YEATS2: variants seen among roughly 807,000 people sequenced by gnomAD.
The protein encoded by YEATS2 is YEATS domain containing 2.
A neutral mutation model predicts 163.2 loss-of-function variants in YEATS2; 77 were observed. That is an observed-to-expected ratio of 0.47 (90% CI 0.39 to 0.57). The LOEUF is 0.57. Among genes scored for constraint, YEATS2 ranks in the 20% least tolerant of loss-of-function variants. The probability of loss-of-function intolerance (pLI) is 0.00; values close to 1 mark genes in which losing one functional copy is unlikely to be tolerated. For synonymous variants in YEATS2, 631 were observed against 645.1 expected (o/e 0.98, Z 0.33); for missense variants, 1,549 against 1,729.8 (o/e 0.90, Z 1.85).
chr3:183,777,604 A>G lies in YEATS2; in HGVS notation c.2640A>G (p.Ser880=). 6.2e-7 allele frequency: 1 copy of G among 1,614,218 alleles called. No homozygotes were observed. The highest frequency in any genetic ancestry group is 1.1e-5 in the South Asian group (1 of 91,080). The change falls in exon 19 of 31, where the codon TCA becomes TCG. Residue 880 remains serine, a synonymous_variant. Transcript: ENST00000305135. The part of the protein sequence containing the change: ...QTSGKQLTTG[S]VVQGTLGVST... Reference sequence around the variant, plus strand: ...CTGGAAAACAACTCACCACTGGGTCAGTGGTCCAAGGAACACTGGGAGTCA... The same window carrying G: ...CTGGAAAACAACTCACCACTGGGTCGGTGGTCCAAGGAACACTGGGAGTCA...
chr3:183,781,045 G>A (rs1175449813), intron 19 of YEATS2, among the ~76,000 whole-genome samples: 4 of 151,974 alleles, frequency 2.6e-5, no homozygotes, highest in African/African-American at 9.7e-5. Context: ...AATAAATTAC[G>A]GATGATTTAG....
At chr3:183,703,095 T>G (rs949823347) in intron 1 of YEATS2, among the ~76,000 whole-genome samples, 1 of 152,156 alleles carries the variant, frequency 6.6e-6, no homozygotes, top group Non-Finnish European at 1.5e-5. Flanking sequence ...ACTGAAATAA[T>G]GAGACAGTGT....
intron 15 of YEATS2, among the ~76,000 whole-genome samples, chr3:183,763,353 A>G (rs1033284389): frequency 6.6e-6 from 1 of 152,234 alleles, no homozygotes; most frequent in Non-Finnish European, 1.5e-5. Flanking sequence ...ACATATCTAA[A>G]TATAGAAAAG....
intron 1 of YEATS2, among the ~76,000 whole-genome samples, chr3:183,712,740 G>C (rs960412424): frequency 6.6e-6 from 1 of 151,534 alleles, no homozygotes. Context: ...TTGAGCCTTA[G>C]GATTGTGGCT....
At chr3:183,721,013 A>G (rs1446462819) in intron 4 of YEATS2, among the ~76,000 whole-genome samples, 1 of 152,174 alleles carries the variant, frequency 6.6e-6, no homozygotes, top group Non-Finnish European at 1.5e-5. Flanking sequence ...ACTTGATTAC[A>G]TGAGCAATGA....
chr3:183,789,203 C>G (rs369656684), intron 20 of YEATS2, among the ~76,000 whole-genome samples: 7 of 152,074 alleles, frequency 4.6e-5, no homozygotes, highest in African/African-American at 1.7e-4. Flanking sequence ...TTTGCCCAAA[C>G]CGATGTCCTG....
At chr3:183,801,656 TAG>T in intron 25 of YEATS2, 128 bp downstream of exon 25, 4 of 660,478 alleles carry the variant, frequency 6.1e-6, no homozygotes, top group Non-Finnish European at 9.8e-6. Context: ...AGGTTTCAGC[TAG>T]AGATACAGCC....
rs774875610 is a variant in YEATS2 at position 183,776,102 on chromosome 3, C to T, written c.2556C>T (p.Tyr852=). Residue 852 remains tyrosine (Y), a synonymous_variant, in exon 18 of 31, where the codon TAC becomes TAT. Transcript: ENST00000305135. ...CTCAGCACCTGACTTACACATCTTA[C>T]ATCCTCAAGCAAACTCCCCAGGTCT... ...GISQHLTYTS[Y]ILKQTPQGTF... is the part of the protein sequence containing the mutation. 25 of 1,587,256 alleles carry T rather than the reference C, an allele frequency of 1.6e-5. No homozygotes were observed. Among genetic ancestry groups the T allele is most frequent in the Admixed American group, 3.6e-5 (2 of 56,152 alleles).
At chr3:183,742,246 T>C (rs1719053695) in intron 8 of YEATS2, among the ~76,000 whole-genome samples, 1 of 151,982 alleles carries the variant, frequency 6.6e-6, no homozygotes, top group Admixed American at 6.6e-5. Context: ...GAAAAAAATA[T>C]ATTTTGTAAG....
intron 7 of YEATS2, among the ~76,000 whole-genome samples, chr3:183,733,783 G>A (rs754804575): frequency 7.9e-5 from 12 of 151,876 alleles, no homozygotes; most frequent in Non-Finnish European, 1.5e-4. Flanking sequence ...TTTCTTCCAC[G>A]TTTGTTCAGT....
At chr3:183,741,136 A>T (rs1198333928) in intron 8 of YEATS2, among the ~76,000 whole-genome samples, 1 of 151,746 alleles carries the variant, frequency 6.6e-6, no homozygotes, top group African/African-American at 2.4e-5. Flanking sequence ...ATAGGGTTTC[A>T]CCGTGTTGTC....
chr3:183,737,057 A>G (rs1166504883), intron 8 of YEATS2, among the ~76,000 whole-genome samples: 1 of 152,236 alleles, frequency 6.6e-6, no homozygotes, highest in African/African-American at 2.4e-5. Context: ...ATTATGGACT[A>G]TATTCTTACA....
In YEATS2 at chr3:183,729,921, C is replaced by G. The variant is rs1244811864; in HGVS notation, c.812+1070C>G. On this transcript the variant is annotated intron_variant, in intron 7 of 30. Transcript: ENST00000305135. Reference sequence around the variant, plus strand: ...GCCAGGCTGGTCTCGAACTCCTGACCTCAGGTGATCTGCCCGCCTTGGCCA... The same window carrying G: ...GCCAGGCTGGTCTCGAACTCCTGACGTCAGGTGATCTGCCCGCCTTGGCCA... Among the ~76,000 whole-genome samples the G allele has an allele frequency of 5.3e-5, 8 of 151,886 alleles. No homozygotes were observed. In the East Asian group the frequency reaches 1.4e-3, roughly 26 times the overall value.
chr3:183,782,076 C>T (rs151059261), intron 19 of YEATS2, among the ~76,000 whole-genome samples: 776 of 151,958 alleles, frequency 5.1e-3, no homozygotes, highest in Non-Finnish European at 8.8e-3. Context: ...GTGTGTTAAT[C>T]GTTTATTCTT....
At chr3:183,782,018 T>G (rs145418682) in intron 19 of YEATS2, among the ~76,000 whole-genome samples, 23 of 152,358 alleles carry the variant, frequency 1.5e-4, no homozygotes, top group Non-Finnish European at 2.9e-4. Flanking sequence ...TAGTCTTTTA[T>G]GTCTGGCTTC....
At chr3:183,717,860 C>CTTTT (rs34867307) in intron 3 of YEATS2, 112 bp downstream of exon 3, 13 of 277,620 alleles carry the variant, frequency 4.7e-5, no homozygotes, top group South Asian at 1.7e-4. Context: ...CTCCTCTTTG[C>CTTTT]TTTTTTTTTT....
chr3:183,801,552 G>T, intron 25 of YEATS2, 24 bp downstream of exon 25: 1 of 1,562,342 alleles, frequency 6.4e-7, no homozygotes, highest in South Asian at 1.2e-5. Flanking sequence ...ACTGAATATA[G>T]GGGTGCATTT....
rs1301359084 is a variant in YEATS2, at chr3:183,754,229, C to T, written c.1254C>T (p.Thr418=). 4 of 1,614,036 alleles carry T rather than the reference C, an allele frequency of 2.5e-6. No individual in the cohort carries two copies. Among genetic ancestry groups the T allele is most frequent in the Non-Finnish European group, 2.5e-6 (3 of 1,179,970 alleles). ...AAATGACTACATCCCAGAAAGTTAC[C>T]TTTTGTTCCCATGGCAATTCAGCTT... ...PTKMTTSQKV[T]FCSHGNSAFQ... The change falls in exon 11 of 31, where the codon ACC becomes ACT. Residue 418 remains threonine (T), a synonymous_variant. Coordinates refer to ENST00000305135, the MANE Select transcript of YEATS2 (RefSeq NM_018023.5).
chr3:183,809,080 A>G lies in YEATS2; in HGVS notation c.4087-17A>G. On this transcript the variant is annotated splice_polypyrimidine_tract_variant and intron_variant, in intron 29 of 30. Transcript: ENST00000305135. ...AGCAGATGGCCATTTGAAGAATAAC[A>G]GCATCTTCCATTGTAGGCTACAGAA... The G allele has an allele frequency of 1.2e-6, 2 of 1,613,954 alleles. No individual in the cohort carries two copies. Among genetic ancestry groups the G allele is most frequent in the Non-Finnish European group, 1.7e-6 (2 of 1,179,858 alleles).
Sources: gnomAD v4.1 joint callset for allele counts (sites outside exome capture counted in the v4.1 genomes callset) on GRCh38, gnomAD v4.1.1 for gene constraint, MANE v1.5 for transcripts, NCBI Gene and HGNC (gene_info 2026-07-23, HGNC 2026-07-21) for gene names.